MCTP1: variants seen among roughly 807,000 people sequenced by gnomAD.
MCTP1 encodes the protein multiple C2 and transmembrane domain containing 1.
Under a neutral mutation model 120.6 loss-of-function variants are expected in MCTP1, and 69 were observed. That is an observed-to-expected ratio of 0.57 (90% CI 0.47 to 0.70). The LOEUF is 0.70. Among genes scored for constraint, MCTP1 ranks in the 30% least tolerant of loss-of-function variants. The pLI is 0.00. For synonymous variants in MCTP1, 529 were observed against 493.1 expected (o/e 1.07, Z -0.96); for missense variants, 1,203 against 1,248.8 (o/e 0.96, Z 0.55).
chr5:94,931,212 T>C (rs1422716731), intron 6 of MCTP1: 2 of 152,010 alleles, frequency 1.3e-5, no homozygotes, highest in South Asian at 2.1e-4. Flanking sequence ...TGTTCCAGGG[T>C]CTAAAAAAAT....
intron 1 of MCTP1, among the ~76,000 whole-genome samples, chr5:95,140,160 A>G (rs894452807): frequency 5.9e-5 from 9 of 152,228 alleles, no homozygotes; most frequent in African/African-American, 2.2e-4. Flanking sequence ...TTTTGCCTCC[A>G]GGAAAGTAAT....
At chr5:95,015,188 A>G (rs1465822360) in intron 2 of MCTP1, among the ~76,000 whole-genome samples, 2 of 152,018 alleles carry the variant, frequency 1.3e-5, no homozygotes, top group Non-Finnish European at 2.9e-5. Flanking sequence ...CTTTATTGTG[A>G]TATTTTCTTT....
chr5:95,026,991 A>G (rs1839382228), intron 1 of MCTP1, among the ~76,000 whole-genome samples: 1 of 152,232 alleles, frequency 6.6e-6, no homozygotes, highest in Admixed American at 6.5e-5. Context: ...AGTCTATGAC[A>G]CTGAAAACCT....
At chr5:94,843,050 G>C (rs1436765858) in intron 17 of MCTP1, among the ~76,000 whole-genome samples, 2 of 151,676 alleles carry the variant, frequency 1.3e-5, no homozygotes, top group African/African-American at 4.8e-5. Context: ...TCCATTGGAT[G>C]AAAGATAAAG....
chr5:95,167,712 G>C (rs1011421684), intron 1 of MCTP1, among the ~76,000 whole-genome samples: 2 of 152,180 alleles, frequency 1.3e-5, no homozygotes, highest in Non-Finnish European at 2.9e-5. Flanking sequence ...GTCTTCTTTT[G>C]AGAAGTGTCT....
intron 1 of MCTP1, among the ~76,000 whole-genome samples, chr5:95,177,879 G>C (rs1202845666): frequency 1.3e-5 from 2 of 152,204 alleles, no homozygotes; most frequent in African/African-American, 4.8e-5. Flanking sequence ...CCAAATTGTA[G>C]AGGTAAAATA....
intron 2 of MCTP1, among the ~76,000 whole-genome samples, chr5:94,979,959 G>A (rs1212585771): frequency 6.6e-6 from 1 of 151,974 alleles, no homozygotes. Flanking sequence ...TAAGATTTAA[G>A]GCCCTTAAAG....
chr5:95,238,622 G>A (rs1199454670), intron 1 of MCTP1, among the ~76,000 whole-genome samples: 1 of 152,172 alleles, frequency 6.6e-6, no homozygotes, highest in East Asian at 1.9e-4. Context: ...TTCAGGAAAA[G>A]CAGAACTGCC....
At chr5:95,085,790 G>A (rs1368683776) in intron 1 of MCTP1, among the ~76,000 whole-genome samples, 1 of 151,998 alleles carries the variant, frequency 6.6e-6, no homozygotes, top group African/African-American at 2.4e-5. Flanking sequence ...CAAGAGTCTT[G>A]ATCTTTTTGT....
At chr5:95,203,806 G>T (rs1047582204) in intron 1 of MCTP1, among the ~76,000 whole-genome samples, 3 of 152,146 alleles carry the variant, frequency 2.0e-5, no homozygotes, top group African/African-American at 7.2e-5. Flanking sequence ...TTAATCTTCA[G>T]CTTTCAATTA....
At chr5:95,099,301 AC>A (rs1361378095) in intron 1 of MCTP1, among the ~76,000 whole-genome samples, 3 of 152,066 alleles carry the variant, frequency 2.0e-5, no homozygotes, top group Non-Finnish European at 4.4e-5. Flanking sequence ...GAGCTTCTGC[AC>A]AGCAAAAGAA....
At chr5:95,278,786 C>T (rs372242215) in intron 1 of MCTP1, among the ~76,000 whole-genome samples, 1 of 151,714 alleles carries the variant, frequency 6.6e-6, no homozygotes, top group Non-Finnish European at 1.5e-5. Context: ...AACATGGAGA[C>T]ACCCCGTCTC....
intron 19 of MCTP1, among the ~76,000 whole-genome samples, chr5:94,730,727 A>T (rs1442562120): frequency 6.6e-6 from 1 of 152,176 alleles, no homozygotes; most frequent in Non-Finnish European, 1.5e-5. Flanking sequence ...CCTGGCGGTT[A>T]TCTGTAACTT....
At chr5:95,172,324 G>A (rs1747419858) in intron 1 of MCTP1, among the ~76,000 whole-genome samples, 1 of 152,230 alleles carries the variant, frequency 6.6e-6, no homozygotes, top group African/African-American at 2.4e-5. Context: ...CCTACTGGGG[G>A]ATGCCTCCCA....
intron 1 of MCTP1, among the ~76,000 whole-genome samples, chr5:95,100,684 C>T (rs2152367344): frequency 6.6e-6 from 1 of 152,228 alleles, no homozygotes; most frequent in Middle Eastern, 3.4e-3. Context: ...CAGCTGACAC[C>T]CCTGAGAGGC....
At chr5:94,791,151 T>G (rs1778863843) in intron 18 of MCTP1, among the ~76,000 whole-genome samples, 1 of 148,506 alleles carries the variant, frequency 6.7e-6, no homozygotes. Flanking sequence ...ATACAAAAAT[T>G]AGCCGGGTGC....
At chr5:94,722,332 C>T (rs1181756896) in intron 19 of MCTP1, among the ~76,000 whole-genome samples, 3 of 152,148 alleles carry the variant, frequency 2.0e-5, no homozygotes, top group South Asian at 2.1e-4. Context: ...TTTTTCCTGC[C>T]GAGCTGTGTC....
intron 17 of MCTP1, chr5:94,867,202 G>T: frequency 7.2e-7 from 1 of 1,389,990 alleles, no homozygotes; most frequent in Non-Finnish European, 9.4e-7. Flanking sequence ...TACTGAGAGA[G>T]ACAGAGAGAG....
At chr5:94,779,030 T>G in intron 19 of MCTP1, 80 bp downstream of exon 19, 1 of 1,323,792 alleles carries the variant, frequency 7.6e-7, no homozygotes, top group Admixed American at 1.7e-5. Context: ...CTTCAACTCC[T>G]TTTTTAACTG....
Sources: allele counts gnomAD v4.1 joint callset (sites outside exome capture counted in the v4.1 genomes callset), GRCh38; gene constraint gnomAD v4.1.1; transcripts MANE v1.5; gene names NCBI Gene and HGNC (gene_info 2026-07-23, HGNC 2026-07-21).